GRIA2: variants seen among roughly 807,000 people sequenced by gnomAD.
GRIA2 encodes glutamate ionotropic receptor AMPA type subunit 2.
GRIA2 carries 14 observed loss-of-function variants against 97.3 expected under a neutral mutation model. The observed-to-expected ratio is 0.14, with a 90% confidence interval of 0.10 to 0.23. The LOEUF (loss-of-function observed/expected upper bound fraction) is 0.23. GRIA2 is among the 10% of genes least tolerant of loss of function. The pLI, the probability that GRIA2 is intolerant of heterozygous loss-of-function variation, is 1.00. For synonymous variants in GRIA2, 412 were observed against 387.8 expected (o/e 1.06, Z -0.73); for missense variants, 558 against 1,069.8 (o/e 0.52, Z 6.67).
In GRIA2 at chr4:157,361,545, G is replaced by A. The variant is rs780857088; in HGVS notation, c.2406+421G>A. On this transcript the variant is annotated intron_variant, in intron 14 of 15. Coordinates refer to ENST00000264426, the MANE Select transcript of GRIA2 (RefSeq NM_001083619.3). This position sits in a 1 kb window ranked among gnomAD's most constrained non-coding sequence, Gnocchi z 5.2. ...GTTATTTTCCACGTGAAGAACCCCA[G>A]TAAATCTTGCAGTATTGAAACTCAG... The A allele has an allele frequency of 6.3e-7, 1 of 1,591,830 alleles. No individual in the cohort carries two copies. Among genetic ancestry groups the A allele is most frequent in the South Asian group, 1.1e-5 (1 of 90,534 alleles).
At chr4:157,277,348 G>T (rs1157565361) in intron 2 of GRIA2, among the ~76,000 whole-genome samples, 2 of 151,802 alleles carry the variant, frequency 1.3e-5, no homozygotes, top group Admixed American at 6.6e-5. Flanking sequence ...TCATGATAAT[G>T]ATTATCAGCA....
intron 2 of GRIA2, among the ~76,000 whole-genome samples, chr4:157,268,823 G>A (rs894584701): frequency 6.6e-6 from 1 of 151,738 alleles, no homozygotes. Flanking sequence ...GATGATTTAT[G>A]AAAAAATAGA....
At chr4:157,263,593 A>G (rs1731642688) in intron 2 of GRIA2, among the ~76,000 whole-genome samples, 1 of 151,966 alleles carries the variant, frequency 6.6e-6, no homozygotes, top group Non-Finnish European at 1.5e-5. Context: ...TAGCATATAA[A>G]TGCACCACAA....
intron 14 of GRIA2, 98 bp from the exon 15 acceptor site, chr4:157,362,701 G>A (rs1736686563): frequency 2.0e-6 from 2 of 992,640 alleles, no homozygotes; most frequent in Admixed American, 4.4e-5. Context: ...CATTCTGTGT[G>A]ACTAGGTTGT....
At position 157,277,890 on chromosome 4, in the gene GRIA2, G is replaced by GTATATATATGTATATATGTA. The variant is rs1560743423; in HGVS notation, c.230-25653_230-25652insGTATATATGTATATATATAT. 6.9e-4 allele frequency among the ~76,000 whole-genome samples: 52 copies of GTATATATATGTATATATGTA among 75,692 alleles called. 1 individual carries two copies. The East Asian group carries it at 0.011, about 16-fold the overall frequency. 49.7% of individuals were successfully genotyped at this position (75,692 alleles called of 152,430 possible). A position where few individuals can be genotyped will look rare whatever the true frequency, so the allele number is the denominator to read the frequency against. The stretch of plus-strand genomic sequence containing the variant: ...TATATATGTATATATATGTATATAT[G>GTATATATATGTATATATGTA]TATATATATATGTATATATGTATAT... On this transcript the variant is annotated intron_variant, in intron 2 of 15. Transcript: ENST00000264426.
At chr4:157,312,640 C>A in intron 3 of GRIA2, 39 bp from the exon 4 acceptor site, 2 of 1,147,780 alleles carry the variant, frequency 1.7e-6, no homozygotes, top group Non-Finnish European at 2.5e-6. Flanking sequence ...GAGTTATTCA[C>A]GTATCTTTAT....
chr4:157,284,105 G>C (rs1732730601), intron 2 of GRIA2, among the ~76,000 whole-genome samples: 2 of 151,838 alleles, frequency 1.3e-5, no homozygotes, highest in South Asian at 2.1e-4. Context: ...TCAACTATTT[G>C]TAAGTGGCGT....
At chr4:157,332,304 C>T (rs571962607) in intron 6 of GRIA2, among the ~76,000 whole-genome samples, 1 of 152,028 alleles carries the variant, frequency 6.6e-6, no homozygotes, top group African/African-American at 2.4e-5. Context: ...TTACCAGAAT[C>T]GCCTAGGGGA....
At chr4:157,240,983 G>A (rs1328732887) in intron 2 of GRIA2, among the ~76,000 whole-genome samples, 1 of 148,338 alleles carries the variant, frequency 6.7e-6, no homozygotes, top group Non-Finnish European at 1.5e-5. Context: ...TCTTGCGATA[G>A]TTTACTGAGA....
rs938953906 is a variant in GRIA2, at chr4:157,221,028, C to T, written c.-15C>T. ...AAAAAAGGGGTATATTGTGGATGCT[C>T]TACTTTTCTTGGAAATGCAAAAGAT... On this transcript the variant is annotated 5_prime_UTR_variant, in exon 1 of 16. Coordinates refer to ENST00000264426, the MANE Select transcript of GRIA2 (RefSeq NM_001083619.3). 3 of 1,368,886 alleles carry T rather than the reference C, an allele frequency of 2.2e-6. No homozygotes were observed. Among genetic ancestry groups the T allele is most frequent in the Non-Finnish European group, 3.1e-6 (3 of 956,256 alleles). 84.8% of individuals were successfully genotyped at this position (1,368,886 alleles called of 1,614,324 possible).
At chr4:157,341,624 A>G (rs1013715331) in intron 12 of GRIA2, among the ~76,000 whole-genome samples, 162 bp downstream of exon 12, 2 of 151,980 alleles carry the variant, frequency 1.3e-5, no homozygotes, top group African/African-American at 2.4e-5. Context: ...CCCTATCCTG[A>G]TACTTCGGTC....
intron 2 of GRIA2, among the ~76,000 whole-genome samples, chr4:157,290,713 T>A (rs1733059291): frequency 6.6e-6 from 1 of 151,824 alleles, no homozygotes. Flanking sequence ...AAGTTTGAAA[T>A]CAGAACATAT....
At chr4:157,298,440 A>G (rs1387290681) in intron 2 of GRIA2, among the ~76,000 whole-genome samples, 1 of 152,074 alleles carries the variant, frequency 6.6e-6, no homozygotes, top group East Asian at 1.9e-4. Flanking sequence ...AATGATGGCA[A>G]TAGTTATCAT....
chr4:157,246,390 C>T (rs963564308), intron 2 of GRIA2, among the ~76,000 whole-genome samples: 1 of 152,144 alleles, frequency 6.6e-6, no homozygotes, highest in East Asian at 1.9e-4. Context: ...ATTCTCAGTA[C>T]ATCTTATGTC....
chr4:157,288,058 A>G (rs1467890604), intron 2 of GRIA2, among the ~76,000 whole-genome samples: 1 of 151,744 alleles, frequency 6.6e-6, no homozygotes, highest in African/African-American at 2.4e-5. Flanking sequence ...ATAAAGTATT[A>G]TACATTTTTA....
chr4:157,246,603 C>T (rs550041515), intron 2 of GRIA2, among the ~76,000 whole-genome samples: 1 of 152,124 alleles, frequency 6.6e-6, no homozygotes, highest in East Asian at 1.9e-4. Flanking sequence ...TTGCTTTTTA[C>T]AAATTTAACT....
At chr4:157,222,428 G>T (rs985942076) in intron 2 of GRIA2, among the ~76,000 whole-genome samples, 8 of 152,218 alleles carry the variant, frequency 5.3e-5, no homozygotes, top group Admixed American at 1.3e-4. Context: ...CACCCGAGGG[G>T]CGAGGAGCGG....
chr4:157,333,883 C>T (rs1735168032), intron 8 of GRIA2, 127 bp from the exon 9 acceptor site: 1 of 577,466 alleles, frequency 1.7e-6, no homozygotes, highest in Non-Finnish European at 3.2e-6. Flanking sequence ...AAAGACATTT[C>T]TATTTAGAAC....
intron 3 of GRIA2, among the ~76,000 whole-genome samples, chr4:157,305,697 A>G (rs967418505): frequency 1.3e-5 from 2 of 152,064 alleles, no homozygotes; most frequent in Non-Finnish European, 1.5e-5. Context: ...GGGTTCATAT[A>G]TCATTTCCTC....
Sources: allele counts gnomAD v4.1 joint callset (sites outside exome capture counted in the v4.1 genomes callset), GRCh38; gene constraint gnomAD v4.1.1; non-coding constraint Gnocchi (gnomAD v3.1); transcripts MANE v1.5; gene names NCBI Gene and HGNC (gene_info 2026-07-23, HGNC 2026-07-21).